SLC13A4: variants seen among roughly 807,000 people sequenced by gnomAD.
The protein encoded by SLC13A4 is solute carrier family 13 member 4.
SLC13A4 carries 28 observed loss-of-function variants against 72.7 expected under a neutral mutation model. The ratio of observed to expected loss-of-function variants is 0.39; its 90% CI spans 0.29 to 0.53. SLC13A4 has a LOEUF of 0.53. Among genes scored for constraint, SLC13A4 ranks in the 20% least tolerant of loss-of-function variants. The pLI is 0.78. For synonymous variants in SLC13A4, 312 were observed against 325.5 expected (o/e 0.96, Z 0.45); for missense variants, 653 against 788.0 (o/e 0.83, Z 2.05).
chr7:135,721,327 C>A, intron 2 of SLC13A4, 68 bp downstream of exon 2: 1 of 1,581,084 alleles, frequency 6.3e-7, no homozygotes, highest in Non-Finnish European at 8.7e-7. Flanking sequence ...AATCTCCCTT[C>A]ATTGGAGGCT....
intron 15 of SLC13A4, among the ~76,000 whole-genome samples, chr7:135,683,107 T>G (rs1237840314): frequency 6.6e-6 from 1 of 151,930 alleles, no homozygotes; most frequent in African/African-American, 2.4e-5. Flanking sequence ...AAGACCAGCC[T>G]GACCAACATG....
At chr7:135,698,778 G>T (rs1207946760) in intron 8 of SLC13A4, among the ~76,000 whole-genome samples, 3 of 151,578 alleles carry the variant, frequency 2.0e-5, no homozygotes, top group Admixed American at 2.0e-4. Flanking sequence ...GGGATTACAG[G>T]TGTGCACCAC....
intron 5 of SLC13A4, chr7:135,703,934 T>G (rs1394603560): frequency 6.6e-6 from 1 of 152,228 alleles, no homozygotes; most frequent in Non-Finnish European, 1.5e-5. Context: ...TCAGGTAGCA[T>G]GGGAGGTGGT....
At chr7:135,701,599 C>A in intron 7 of SLC13A4, 81 bp downstream of exon 7, 2 of 1,391,240 alleles carry the variant, frequency 1.4e-6, no homozygotes, top group Non-Finnish European at 1.0e-6. Flanking sequence ...GATTCCCTTA[C>A]GACTTCAAGA....
intron 1 of SLC13A4, among the ~76,000 whole-genome samples, chr7:135,727,135 G>A (rs1249246736): frequency 1.3e-5 from 2 of 152,220 alleles, no homozygotes; most frequent in Non-Finnish European, 2.9e-5. Flanking sequence ...ACACCCATCA[G>A]TCACTTCTGC....
At chr7:135,694,322 T>A in intron 9 of SLC13A4, 84 bp from the exon 10 acceptor site, 1 of 811,412 alleles carries the variant, frequency 1.2e-6, no homozygotes, top group Non-Finnish European at 2.1e-6. Context: ...ACTAAACCGC[T>A]TGCCTGCTGT....
At chr7:135,709,428 A>ATTTTTT (rs1384667643) in intron 2 of SLC13A4, among the ~76,000 whole-genome samples, 1 of 25,998 alleles carries the variant, frequency 3.8e-5, no homozygotes, top group African/African-American at 1.2e-4. Context: ...TTTTTTTTAA[A>ATTTTTT]AAAAAATTTG....
At chr7:135,694,876 T>G (rs1444352521) in intron 9 of SLC13A4, among the ~76,000 whole-genome samples, 5 of 152,252 alleles carry the variant, frequency 3.3e-5, no homozygotes, top group Non-Finnish European at 5.9e-5. Context: ...CCTTATGTGT[T>G]TGAAACTGAT....
rs372144942 is a variant in SLC13A4, at chr7:135,709,198, G to A, written c.229-948C>T. ...CTCCTACCTCGGCCTCCCAAATTGCGGGGATCAGAAGCATGAGCCAGCGCA... is the reference window on the plus strand; with the variant it reads ...CTCCTACCTCGGCCTCCCAAATTGCAGGGATCAGAAGCATGAGCCAGCGCA... On this transcript the variant is annotated intron_variant, in intron 2 of 15. Coordinates refer to ENST00000682651, the MANE Select transcript of SLC13A4 (RefSeq NM_001318192.2). Among the ~76,000 whole-genome samples, 32 of 151,650 alleles carry A rather than the reference G, an allele frequency of 2.1e-4. 1 individual carries two copies. In the East Asian group the frequency reaches 2.9e-3, roughly 14 times the overall value.
At chr7:135,690,367 G>T (rs920771491) in intron 13 of SLC13A4, among the ~76,000 whole-genome samples, 1 of 151,916 alleles carries the variant, frequency 6.6e-6, no homozygotes, top group Non-Finnish European at 1.5e-5. Context: ...CCACTTAAAA[G>T]ATCTCATCCA....
At chr7:135,694,360 C>G in intron 9 of SLC13A4, 122 bp from the exon 10 acceptor site, 1 of 623,774 alleles carries the variant, frequency 1.6e-6, no homozygotes. Flanking sequence ...TTCACATGCT[C>G]TATCCCTCTA....
At position 135,727,762 on chromosome 7, in the gene SLC13A4, G is replaced by T; in HGVS notation, c.-266C>A. ...AGGAACTGGGAAAGGATGATAAACG[G>T]GGGCATAGTGGGCCTCCTCTCGGCT... On this transcript the variant is annotated 5_prime_UTR_variant, in exon 1 of 16. Coordinates refer to ENST00000682651, the MANE Select transcript of SLC13A4 (RefSeq NM_001318192.2). 1 of 426,018 alleles carries T rather than the reference G, an allele frequency of 2.3e-6. No individual in the cohort carries two copies. The highest frequency in any genetic ancestry group is 4.2e-6 in the Non-Finnish European group (1 of 239,674). 26.4% of individuals were successfully genotyped at this position (426,018 alleles called of 1,614,324 possible).
At chr7:135,700,748 G>C (rs1796015041) in intron 7 of SLC13A4, among the ~76,000 whole-genome samples, 1 of 152,126 alleles carries the variant, frequency 6.6e-6, no homozygotes, top group African/African-American at 2.4e-5. Flanking sequence ...GGGCTCAAGT[G>C]ATCCTCCTAC....
intron 7 of SLC13A4, among the ~76,000 whole-genome samples, chr7:135,701,394 C>G (rs1796031023): frequency 6.6e-6 from 1 of 152,158 alleles, no homozygotes; most frequent in Admixed American, 6.5e-5. Flanking sequence ...TTTGCAGTGT[C>G]CCTGAAGCAC....
At chr7:135,683,610 A>C in intron 15 of SLC13A4, 1 of 985,428 alleles carries the variant, frequency 1.0e-6, no homozygotes, top group Non-Finnish European at 1.2e-6. Flanking sequence ...CCCAGCTGAA[A>C]ATGAAAATGA....
At chr7:135,700,992 A>G (rs1431846246) in intron 7 of SLC13A4, among the ~76,000 whole-genome samples, 1 of 152,200 alleles carries the variant, frequency 6.6e-6, no homozygotes, top group Admixed American at 6.5e-5. Context: ...CATGTGGTCA[A>G]GGAGACTTGG....
intron 2 of SLC13A4, among the ~76,000 whole-genome samples, chr7:135,715,363 ATGTG>A (rs369584800): frequency 8.5e-6 from 1 of 117,832 alleles, no homozygotes; most frequent in African/African-American, 3.4e-5. Flanking sequence ...GTATGAGTGT[ATGTG>A]TATGAGTGTG....
intron 13 of SLC13A4, among the ~76,000 whole-genome samples, chr7:135,687,746 C>T (rs1374180314): frequency 1.4e-5 from 2 of 140,168 alleles, no homozygotes; most frequent in Non-Finnish European, 3.0e-5. Context: ...GGAAATGGTA[C>T]ATTATATAAA....
chr7:135,722,016 G>A (rs888935381), intron 1 of SLC13A4, among the ~76,000 whole-genome samples: 1 of 152,194 alleles, frequency 6.6e-6, no homozygotes, highest in African/African-American at 2.4e-5. Flanking sequence ...CAAGGTGGGA[G>A]GATCACTTGA....
Sources: gnomAD v4.1 joint callset for allele counts (sites outside exome capture counted in the v4.1 genomes callset) on GRCh38, gnomAD v4.1.1 for gene constraint, MANE v1.5 for transcripts, NCBI Gene and HGNC (gene_info 2026-07-23, HGNC 2026-07-21) for gene names.